The following SPOUT1 variants were observed in gnomAD, a reference collection of about 807,000 sequenced individuals.
SPOUT1 encodes SPOUT domain containing methyltransferase 1, also known as 28S rRNA (uridine-N(3))-methyltransferase.
A neutral mutation model predicts 54.8 loss-of-function variants in SPOUT1; 40 were observed. The ratio of observed to expected loss-of-function variants is 0.73; its 90% CI spans 0.57 to 0.95. The LOEUF is 0.95. Ranked by LOEUF, SPOUT1 falls within the 40% of genes least tolerant of loss-of-function variation. The pLI, the probability that SPOUT1 is intolerant of heterozygous loss-of-function variation, is 0.00. For synonymous variants in SPOUT1, 193 were observed against 200.3 expected (o/e 0.96, Z 0.31); for missense variants, 437 against 499.5 (o/e 0.87, Z 1.19).
At chr9:128,824,313 AAGGT>A in intron 9 of SPOUT1, 139 bp from the exon 10 acceptor site, 2 of 608,774 alleles carry the variant, frequency 3.3e-6, no homozygotes, top group Non-Finnish European at 6.0e-6. Context: ...TGTGTGTACT[AAGGT>A]AGGGGTGGGT....
At chr9:128,824,202 T>A (rs935129528) in intron 9 of SPOUT1, 28 bp from the exon 10 acceptor site, 5 of 1,381,018 alleles carry the variant, frequency 3.6e-6, no homozygotes, top group Non-Finnish European at 5.1e-6. Context: ...TCAGTGCAGG[T>A]CCTGCTCCCC....
In SPOUT1 at chr9:128,828,786, G is replaced by C; in HGVS notation, c.157C>G (p.Gln53Glu). 1 of 1,614,134 alleles carries C rather than the reference G, an allele frequency of 6.2e-7. No homozygotes were observed. The highest frequency in any genetic ancestry group is 1.3e-5 in the African/African-American group (1 of 75,042). Residue 53 changes from glutamine (Q) to glutamate (E), a missense_variant, in exon 3 of 12, where the codon CAG becomes GAG. Gln to Glu is a conservative substitution (Grantham distance 29). Transcript: ENST00000361256. ...KLERQRAQEE[Q>E]AKRLEEEEAA... Reference sequence around the variant, plus strand: ...TCCTCCTCTTCCAGGCGCTTTGCCTGTTCCTCCTGTGCCCGCTGCCGCTCC... The same window carrying C: ...TCCTCCTCTTCCAGGCGCTTTGCCTCTTCCTCCTGTGCCCGCTGCCGCTCC...
chr9:128,827,049 C>A lies in SPOUT1; in HGVS notation c.351G>T (p.Glu117Asp). The stretch of plus-strand genomic sequence containing the variant: ...CCCCTTACTTGGCATCCTGGCCCTC[C>A]TCATCAAACACCACGATCTCATCCA... The part of the protein sequence containing the change: ...FCVDEIVVFD[E>D]EGQDAKTVEG... The change falls in exon 4 of 12, where the codon GAG (glutamate) becomes GAT (aspartate). Residue 117 changes from glutamate (E) to aspartate (D), a missense_variant. Physicochemically the swap from Glu to Asp is conservative, Grantham distance 45. Transcript: ENST00000361256. 1 of 1,614,068 alleles carries A rather than the reference C, an allele frequency of 6.2e-7. No individual in the cohort carries two copies.
Position 128,821,331 on chromosome 9 carries a change from C to A in SPOUT1, c.*1434G>T, listed in dbSNP as rs1367428834. ...GCCTTCCCCATGCAGGTCCCCAGTG[C>A]ACCGAGCTCTCACGCCTTCCCCATG... On this transcript the variant is annotated 3_prime_UTR_variant, in exon 12 of 12. Coordinates refer to ENST00000361256, the MANE Select transcript of SPOUT1 (RefSeq NM_016390.4). 5.7e-6 allele frequency: 1 copy of A among 176,006 alleles called. No individual in the cohort carries two copies. Among genetic ancestry groups the A allele is most frequent in the Non-Finnish European group, 1.2e-5 (1 of 83,384 alleles). The allele number at this position is 176,006 out of a possible 1,614,324, so 10.9% of individuals were successfully genotyped here. A position where few individuals can be genotyped will look rare whatever the true frequency, so the allele number is the denominator to read the frequency against.
At chr9:128,824,956 G>GT (rs748003735) in intron 8 of SPOUT1, 21 bp downstream of exon 8, 158 of 1,605,130 alleles carry the variant, frequency 9.8e-5, no homozygotes, top group Non-Finnish European at 1.3e-4. Context: ...CAACCCAGGG[G>GT]TTGGGGAACC....
intron 1 of SPOUT1, 134 bp downstream of exon 1, chr9:128,829,610 CG>C: frequency 2.9e-6 from 2 of 691,892 alleles, no homozygotes; most frequent in East Asian, 2.8e-5. Flanking sequence ...GCGGCACCTT[CG>C]GGGGCTTCCG....
intron 3 of SPOUT1, among the ~76,000 whole-genome samples, chr9:128,828,388 C>T (rs1052122229): frequency 2.0e-5 from 3 of 151,288 alleles, no homozygotes; most frequent in Admixed American, 6.6e-5. Flanking sequence ...CCCAACTACT[C>T]GGGGGGCCGA....
intron 11 of SPOUT1, 68 bp from the exon 12 acceptor site, chr9:128,822,901 C>A: frequency 1.6e-6 from 2 of 1,216,204 alleles, no homozygotes; most frequent in Non-Finnish European, 2.3e-6. Context: ...CCCAGCCTGT[C>A]TTCAGTGCCT....
chr9:128,822,302 C>T lies in SPOUT1; in HGVS notation c.*463G>A, dbSNP rs200239746. 5.0e-6 allele frequency: 8 copies of T among 1,605,046 alleles called. No individual in the cohort carries two copies. In the Admixed American group the frequency reaches 1.3e-4, roughly 27 times the overall value. The stretch of plus-strand genomic sequence containing the variant: ...CTTTGGGTTCATCCAGGCCCCCTGC[C>T]CACGTGTGCCTGGGTCTGCCCACAG... On this transcript the variant is annotated 3_prime_UTR_variant, in exon 12 of 12. Transcript: ENST00000361256.
rs1830103332 is a variant in SPOUT1 at position 128,821,044 on chromosome 9, CT to C, written c.*1720del. ...ACAGCCAAAGACCTGTCGGGTACCC[CT>C]GACCATCTCTCCTCTGCCCATGGGC... On this transcript the variant is annotated 3_prime_UTR_variant, in exon 12 of 12. Coordinates refer to ENST00000361256, the MANE Select transcript of SPOUT1 (RefSeq NM_016390.4). 1.7e-6 allele frequency: 1 copy of C among 594,536 alleles called. No homozygotes were observed. The highest frequency in any genetic ancestry group is 1.9e-5 in the African/African-American group (1 of 53,760). The allele number at this position is 594,536 out of a possible 1,614,324, so 36.8% of individuals were successfully genotyped here.
At position 128,828,835 on chromosome 9, in the gene SPOUT1, C is replaced by T. The variant is rs546874162; in HGVS notation, c.108G>A (p.Lys36=). 2 of 1,614,136 alleles carry T rather than the reference C, an allele frequency of 1.2e-6. No individual in the cohort carries two copies. The highest frequency in any genetic ancestry group is 2.2e-5 in the South Asian group (2 of 91,082). Residue 36 remains lysine, a synonymous_variant, in exon 3 of 12, where the codon AAG becomes AAA. Transcript: ENST00000361256. ...QQKKEEKKKW[K]DLKLMKKLER... ...CCAGTTTTTTCATCAGCTTGAGATC[C>T]TTCCATTTTTTTTTCTCCTCTTTCT...
chr9:128,826,980 G>A lies in SPOUT1; in HGVS notation c.368+52C>T, dbSNP rs769215868. 11 of 1,578,302 alleles carry A rather than the reference G, an allele frequency of 7.0e-6. No homozygotes were observed. The highest frequency in any genetic ancestry group is 3.4e-5 in the South Asian group (3 of 88,096). On this transcript the variant is annotated intron_variant, in intron 4 of 11. Coordinates refer to ENST00000361256, the MANE Select transcript of SPOUT1 (RefSeq NM_016390.4). The surrounding 1 kb of genome is among the most constrained non-coding windows in gnomAD (Gnocchi z 5.5). ...CCATGGTGAAGCCTCGGCCCATCCC[G>A]GCAGCCCCTCCCTCTCCCTGAACCC...
chr9:128,826,618 C>A lies in SPOUT1; in HGVS notation c.380G>T (p.Gly127Val), dbSNP rs1333686914. The A allele has an allele frequency of 6.3e-7, 1 of 1,587,072 alleles. No homozygotes were observed. The highest frequency in any genetic ancestry group is 1.3e-5 in the African/African-American group (1 of 74,438). The change falls in exon 5 of 12, where the codon GGG becomes GTG. Residue 127 changes from glycine to valine, a missense_variant. Transcript: ENST00000361256. The surrounding 1 kb of genome is among the most constrained non-coding windows in gnomAD (Gnocchi z 5.5). ...EEGQDAKTVE[G>V]EFTGVGKKGQ... ...CTTCTTCCCAACTCCTGTGAATTCC[C>A]CCTCCACAGTCCTGGAGAGAGAGAG...
chr9:128,825,156 G>A lies in SPOUT1; in HGVS notation c.640-107C>T, dbSNP rs1041456251. 8.9e-6 allele frequency: 7 copies of A among 786,350 alleles called. No homozygotes were observed. The Admixed American group carries it at 1.1e-4, about 12-fold the overall frequency. 48.7% of individuals were successfully genotyped at this position (786,350 alleles called of 1,614,324 possible). On this transcript the variant is annotated intron_variant, in intron 7 of 11. Transcript: ENST00000361256. The stretch of plus-strand genomic sequence containing the variant: ...GCCCCGGGGCTGGCAAGGGACCAAG[G>A]GGTCCAGGTCAACCTGCCACCCTCC...
chr9:128,824,141 C>A lies in SPOUT1; in HGVS notation c.845G>T (p.Gly282Val). 1 of 1,613,536 alleles carries A rather than the reference C, an allele frequency of 6.2e-7. No individual in the cohort carries two copies. Among genetic ancestry groups the A allele is most frequent in the Non-Finnish European group, 8.5e-7 (1 of 1,179,902 alleles). ...TGACGTCCCGATGGTCAGGTCATAC[C>A]CATCTTGGAAGGGGGCCTCAGCAAA... is the stretch of plus-strand genomic sequence containing the variant. ...AVFAEAPFQD[G>V]YDLTIGTSER... The change falls in exon 10 of 12, where the codon GGG becomes GTG. Residue 282 changes from glycine (G) to valine (V), a missense_variant. Gly to Val is a moderately radical substitution (Grantham distance 109). Coordinates refer to ENST00000361256, the MANE Select transcript of SPOUT1 (RefSeq NM_016390.4).
Position 128,820,952 on chromosome 9 carries a change from C to T in SPOUT1, c.*1813G>A, listed in dbSNP as rs555734949. 1.5e-4 allele frequency: 151 copies of T among 994,518 alleles called. No individual in the cohort carries two copies. In the South Asian group the frequency reaches 1.9e-3, roughly 13 times the overall value. 61.6% of individuals were successfully genotyped at this position (994,518 alleles called of 1,614,324 possible). On this transcript the variant is annotated 3_prime_UTR_variant, in exon 12 of 12. Coordinates refer to ENST00000361256, the MANE Select transcript of SPOUT1 (RefSeq NM_016390.4). ...CCCAGGCTCTGGGTCAATACCAGTTCCCTACTCATCTGGTTTCTTGGCAAG... is the reference window on the plus strand; with the variant it reads ...CCCAGGCTCTGGGTCAATACCAGTTTCCTACTCATCTGGTTTCTTGGCAAG...
Position 128,820,343 on chromosome 9 carries a change from A to G in SPOUT1, c.*2422T>C. The G allele has an allele frequency of 5.4e-6, 1 of 185,914 alleles. No individual in the cohort carries two copies. Among genetic ancestry groups the G allele is most frequent in the South Asian group, 1.2e-4 (1 of 8,334 alleles). 11.5% of individuals were successfully genotyped at this position (185,914 alleles called of 1,614,324 possible). Reference sequence around the variant, plus strand: ...GAGAGCTCAGGATGGAGGTCGATTCATGGCATTCCCCGCTAGGCTCTTCCT... The same window carrying G: ...GAGAGCTCAGGATGGAGGTCGATTCGTGGCATTCCCCGCTAGGCTCTTCCT... On this transcript the variant is annotated 3_prime_UTR_variant, in exon 12 of 12. Transcript: ENST00000361256.
At chr9:128,825,201 C>A (rs567935595) in intron 7 of SPOUT1, 152 bp from the exon 8 acceptor site, 3 of 633,868 alleles carry the variant, frequency 4.7e-6, no homozygotes, top group South Asian at 3.8e-5. Context: ...ACCGGCTGAA[C>A]CTGCTCACAA....
At chr9:128,827,554 A>C (rs1830264965) in intron 3 of SPOUT1, among the ~76,000 whole-genome samples, 1 of 152,234 alleles carries the variant, frequency 6.6e-6, no homozygotes, top group Admixed American at 6.5e-5. Flanking sequence ...CATTAACCTG[A>C]TCCCTAGTGA....
Sources: gnomAD v4.1 joint callset for allele counts (sites outside exome capture counted in the v4.1 genomes callset) on GRCh38, gnomAD v4.1.1 for gene constraint, Gnocchi (gnomAD v3.1) non-coding constraint, MANE v1.5 for transcripts, NCBI Gene and HGNC (gene_info 2026-07-23, HGNC 2026-07-21) for gene names.